The following KCNT2 variants were observed in gnomAD, a reference collection of about 807,000 sequenced individuals.
KCNT2 encodes the protein potassium channel subfamily T member 2.
In KCNT2, 67 loss-of-function variants were observed where a neutral mutation model predicts 153.8. The ratio of observed to expected loss-of-function variants is 0.44; its 90% confidence interval spans 0.36 to 0.53. The LOEUF (loss-of-function observed/expected upper bound fraction) is 0.53, where lower values mean the gene tolerates loss of function less well. Among genes scored for constraint, KCNT2 ranks in the 20% least tolerant of loss-of-function variants. The pLI is 0.00. For synonymous variants in KCNT2, 500 were observed against 458.8 expected (o/e 1.09, Z -1.15); for missense variants, 975 against 1,354.8 (o/e 0.72, Z 4.40).
intron 1 of KCNT2, among the ~76,000 whole-genome samples, chr1:196,496,332 G>A (rs7523390): frequency 0.047 from 7,129 of 152,032 alleles, 569 homozygotes; most frequent in African/African-American, 0.16. Context: ...GCCGGGCATG[G>A]TGGTGGGCAC....
At chr1:196,248,469 T>G (rs1266168986) in intron 26 of KCNT2, among the ~76,000 whole-genome samples, 1 of 152,034 alleles carries the variant, frequency 6.6e-6, no homozygotes, top group Non-Finnish European at 1.5e-5. Flanking sequence ...ACATTACAAC[T>G]GATACTGCAG....
intron 12 of KCNT2, among the ~76,000 whole-genome samples, chr1:196,406,687 C>G (rs1352573762): frequency 6.6e-6 from 1 of 151,348 alleles, no homozygotes; most frequent in South Asian, 2.1e-4. Context: ...TGTCCTCCTG[C>G]CAAGTTTCAG....
intron 5 of KCNT2, among the ~76,000 whole-genome samples, chr1:196,471,057 T>TA (rs991449706): frequency 6.6e-6 from 1 of 151,664 alleles, no homozygotes; most frequent in African/African-American, 2.4e-5. Context: ...ATCTTTTTTT[T>TA]ATTCTTTTTT....
chr1:196,467,746 A>G lies in KCNT2; in HGVS notation c.500T>C (p.Phe167Ser). 6.2e-7 allele frequency: 1 copy of G among 1,607,658 alleles called. No individual in the cohort carries two copies. Among genetic ancestry groups the G allele is most frequent in the Non-Finnish European group, 8.5e-7 (1 of 1,175,666 alleles). The change falls in exon 7 of 28, where the codon TTT (phenylalanine) becomes TCT (serine). Residue 167 changes from phenylalanine to serine, a missense_variant. This residue lies in a region of KCNT2 where 140 missense variants were observed against 216.0 expected (regional missense o/e 0.65). Transcript: ENST00000294725. ...ATGTTTGGCAAGCCAACAGTTCAGA[A>G]AGACTGGGACAAATAGATTCCTTAA... is the stretch of plus-strand genomic sequence containing the variant. Reference protein sequence around the residue: ...PSLRNLFVPVFLNCWLAKHAL... With the variant: ...PSLRNLFVPVSLNCWLAKHAL...
chr1:196,299,834 G>C (rs1452945680), intron 22 of KCNT2, among the ~76,000 whole-genome samples: 1 of 152,144 alleles, frequency 6.6e-6, no homozygotes, highest in Non-Finnish European at 1.5e-5. Context: ...GAATGGCCAA[G>C]ATATGGAATT....
At chr1:196,495,160 T>G (rs1194491835) in intron 1 of KCNT2, among the ~76,000 whole-genome samples, 1 of 152,162 alleles carries the variant, frequency 6.6e-6, no homozygotes, top group African/African-American at 2.4e-5. Context: ...TTATACAACT[T>G]TTATTTAAAG....
At chr1:196,417,925 G>C (rs1672881695) in intron 12 of KCNT2, among the ~76,000 whole-genome samples, 1 of 152,134 alleles carries the variant, frequency 6.6e-6, no homozygotes, top group Non-Finnish European at 1.5e-5. Flanking sequence ...AATCCTATGG[G>C]ACGACCATTG....
intron 26 of KCNT2, chr1:196,257,774 A>G (rs1373516314): frequency 2.0e-6 from 2 of 983,908 alleles, no homozygotes. Context: ...AACAAATTTT[A>G]TAAGAACATT....
rs79772349 is a variant in KCNT2, at chr1:196,469,720, C to T, written c.385-652G>A. On this transcript the variant is annotated intron_variant, in intron 5 of 27. Coordinates refer to ENST00000294725, the MANE Select transcript of KCNT2 (RefSeq NM_198503.5). ...CACGAGGACCTTCTGGTTGTGGAAC[C>T]TTGTGCTGACCCTGATATTATGCAC... is the stretch of plus-strand genomic sequence containing the variant. Among the ~76,000 whole-genome samples, 694 of 152,226 alleles carry T rather than the reference C, an allele frequency of 4.6e-3. 4 individuals carry two copies. The highest frequency in any genetic ancestry group is 0.015 in the African/African-American group (643 of 41,550).
At chr1:196,264,224 T>C (rs1657301657) in intron 25 of KCNT2, among the ~76,000 whole-genome samples, 2 of 152,202 alleles carry the variant, frequency 1.3e-5, no homozygotes, top group African/African-American at 4.8e-5. Flanking sequence ...AACCACTTGA[T>C]GACTGCCTGC....
At chr1:196,468,903 A>C in intron 6 of KCNT2, 91 bp downstream of exon 6, 1 of 754,704 alleles carries the variant, frequency 1.3e-6, no homozygotes, top group South Asian at 1.7e-5. Context: ...CATTTATCTT[A>C]GCTACCATAT....
chr1:196,584,748 C>A (rs1228948079), intron 1 of KCNT2, among the ~76,000 whole-genome samples: 7 of 151,956 alleles, frequency 4.6e-5, no homozygotes, highest in South Asian at 4.2e-4. Flanking sequence ...AGAAAAAGAA[C>A]CTTGGGACTC....
At chr1:196,300,516 G>A (rs1464318788) in intron 22 of KCNT2, among the ~76,000 whole-genome samples, 2 of 151,942 alleles carry the variant, frequency 1.3e-5, no homozygotes, top group Admixed American at 6.6e-5. Context: ...ATTCCAGAGG[G>A]CTCCCCCTCT....
At chr1:196,341,418 A>C (rs1665611598) in intron 15 of KCNT2, among the ~76,000 whole-genome samples, 1 of 152,074 alleles carries the variant, frequency 6.6e-6, no homozygotes, top group Admixed American at 6.6e-5. Context: ...CATGGTAAAA[A>C]AATAGTAAGT....
intron 1 of KCNT2, among the ~76,000 whole-genome samples, chr1:196,593,950 C>T (rs2149009950): frequency 6.6e-6 from 1 of 152,044 alleles, no homozygotes; most frequent in South Asian, 2.1e-4. Flanking sequence ...CACTGTTTCT[C>T]AATAAGGAAA....
intron 1 of KCNT2, among the ~76,000 whole-genome samples, chr1:196,584,168 GATAAA>G (rs67886282): frequency 7.1e-6 from 1 of 140,986 alleles, no homozygotes; most frequent in East Asian, 2.1e-4. Flanking sequence ...CTGGAATTAA[GATAAA>G]ATAAAATAAA....
intron 16 of KCNT2, among the ~76,000 whole-genome samples, chr1:196,335,988 C>T (rs1304575720): frequency 6.6e-6 from 1 of 152,124 alleles, no homozygotes; most frequent in Non-Finnish European, 1.5e-5. Context: ...CCCCTGGATC[C>T]CTTGATACAT....
At chr1:196,347,227 C>A (rs114139436) in intron 14 of KCNT2, among the ~76,000 whole-genome samples, 271 of 152,204 alleles carry the variant, frequency 1.8e-3, no homozygotes, top group Non-Finnish European at 3.5e-3. Context: ...ATTTTACATC[C>A]TATAGATCTA....
At chr1:196,320,076 A>G (rs1284752553) in intron 19 of KCNT2, among the ~76,000 whole-genome samples, 3 of 151,808 alleles carry the variant, frequency 2.0e-5, no homozygotes, top group South Asian at 2.1e-4. Context: ...ATATATGCTC[A>G]TGCAAAATAT....
Sources: gnomAD v4.1 joint callset for allele counts (sites outside exome capture counted in the v4.1 genomes callset) on GRCh38, gnomAD v4.1.1 for gene constraint, gnomAD v4.1.1 regional missense constraint, MANE v1.5 for transcripts, NCBI Gene and HGNC (gene_info 2026-07-23, HGNC 2026-07-21) for gene names.